The following BPIFB3 variants were observed in gnomAD, a reference collection of about 807,000 sequenced individuals.
BPIFB3 encodes BPI fold containing family B member 3, also known as BPI fold-containing family B member 3.
A neutral mutation model predicts 53.1 loss-of-function variants in BPIFB3; 49 were observed. The observed-to-expected ratio is 0.92, with a 90% confidence interval of 0.73 to 1.17. The LOEUF (loss-of-function observed/expected upper bound fraction) is 1.17. Among genes scored for constraint, BPIFB3 ranks in the 50% most tolerant of loss-of-function variants. The pLI, the probability that BPIFB3 is intolerant of heterozygous loss-of-function variation, is 0.00. For synonymous variants in BPIFB3, 271 were observed against 269.6 expected (o/e 1.01, Z -0.05); for missense variants, 628 against 592.5 (o/e 1.06, Z -0.62).
chr20:33,056,474 G>T, intron 1 of BPIFB3, 68 bp from the exon 3 acceptor site: 2 of 1,564,322 alleles, frequency 1.3e-6, no homozygotes, highest in East Asian at 2.2e-5. Flanking sequence ...GAGGAAGGAG[G>T]CAGCTGCCAT....
At chr20:33,070,682 C>T (rs747762672) in intron 11 of BPIFB3, among the ~76,000 whole-genome samples, 1 of 152,218 alleles carries the variant, frequency 6.6e-6, no homozygotes, top group African/African-American at 2.4e-5. Context: ...CCTCTGACTC[C>T]GTCTTAGCAC....
chr20:33,073,492 C>A, intron 14 of BPIFB3, 84 bp from the exon 16 acceptor site: 3 of 1,493,124 alleles, frequency 2.0e-6, no homozygotes, highest in Admixed American at 3.5e-5. Flanking sequence ...AGGGCCAATC[C>A]CAGGGCAGGG....
chr20:33,056,725 C>T, intron 2 of BPIFB3, 27 bp downstream of exon 3: 1 of 1,530,518 alleles, frequency 6.5e-7, no homozygotes, highest in Non-Finnish European at 8.7e-7. Flanking sequence ...GCATGCCCTA[C>T]AGGAAGACTT....
upstream of BPIFB3, among the ~76,000 whole-genome samples, chr20:33,054,003 G>A (rs1252167220): frequency 6.6e-6 from 1 of 152,106 alleles, no homozygotes; most frequent in Non-Finnish European, 1.5e-5. Context: ...TTGTCCTGAC[G>A]CCCAGCCGTT....
intron 12 of BPIFB3, 125 bp downstream of exon 13, chr20:33,071,420 A>C: frequency 8.8e-7 from 1 of 1,139,360 alleles, no homozygotes; most frequent in Non-Finnish European, 1.3e-6. Context: ...ATCCTCCCCA[A>C]TTAAGCCAGA....
At chr20:33,066,748 A>G in intron 8 of BPIFB3, 76 bp from the exon 10 acceptor site, 1 of 1,457,932 alleles carries the variant, frequency 6.9e-7, no homozygotes, top group Non-Finnish European at 9.6e-7. Flanking sequence ...GTGGTGAACG[A>G]AACTGCTCTG....
At chr20:33,063,730 C>G (rs1169937281) in intron 6 of BPIFB3, 55 bp downstream of exon 7, 1 of 1,570,796 alleles carries the variant, frequency 6.4e-7, no homozygotes, top group Non-Finnish European at 8.7e-7. Context: ...CTCTGTATGA[C>G]CCCAATGGGG....
intron 4 of BPIFB3, among the ~76,000 whole-genome samples, chr20:33,061,337 A>G (rs1177278456): frequency 2.0e-5 from 3 of 151,152 alleles, no homozygotes; most frequent in African/African-American, 4.9e-5. Flanking sequence ...TCCTCAGGCC[A>G]TCATTCATTC....
At chr20:33,054,058 A>C (rs1351237002), upstream of BPIFB3, among the ~76,000 whole-genome samples, 6 of 152,126 alleles carry the variant, frequency 3.9e-5, no homozygotes, top group Admixed American at 3.3e-4. Context: ...TGGGCACGGA[A>C]AGAACTCACC....
chr20:33,069,193 G>A (rs1417705564), intron 10 of BPIFB3, among the ~76,000 whole-genome samples: 1 of 152,078 alleles, frequency 6.6e-6, no homozygotes, highest in East Asian at 1.9e-4. Context: ...GTCTGCCTGG[G>A]CCTGTTTGGG....
intron 9 of BPIFB3, among the ~76,000 whole-genome samples, chr20:33,067,778 G>A (rs1259441510): frequency 1.3e-5 from 2 of 152,190 alleles, no homozygotes; most frequent in South Asian, 2.1e-4. Context: ...TGTCTCTGGA[G>A]GCTGAATCCT....
At chr20:33,071,126 A>T (rs1432577837) in intron 11 of BPIFB3, 127 bp from the exon 13 acceptor site, 2 of 998,936 alleles carry the variant, frequency 2.0e-6, no homozygotes, top group Non-Finnish European at 2.9e-6. Flanking sequence ...TCAAGGCTGG[A>T]TAGAGGCAGA....
chr20:33,071,751 C>G (rs1367700384), intron 12 of BPIFB3, among the ~76,000 whole-genome samples: 4 of 152,184 alleles, frequency 2.6e-5, no homozygotes, highest in Non-Finnish European at 5.9e-5. Flanking sequence ...AGTCCCTAAA[C>G]TGACAGGAAT....
downstream of BPIFB3, chr20:33,073,737 C>T: frequency 9.2e-7 from 1 of 1,081,954 alleles, no homozygotes; most frequent in South Asian, 1.5e-5. Context: ...AAGCACTACT[C>T]CAAGTTTGGG....
At position 33,062,575 on chromosome 20, in the gene BPIFB3, T is replaced by C. The variant is rs1316443106; in HGVS notation, c.591+744T>C. 3.3e-5 allele frequency among the ~76,000 whole-genome samples: 5 copies of C among 152,296 alleles called. No homozygotes were observed. In the East Asian group the frequency reaches 9.6e-4, roughly 29 times the overall value. ...GCAGGTTTCCACCAGGGCATGAAGG[T>C]GCATTTCAACGGCAGCCCCTAACTT... On this transcript the variant is annotated intron_variant, in intron 5 of 14. Coordinates refer to ENST00000375494, the Ensembl canonical transcript of BPIFB3.
intron 2 of BPIFB3, among the ~76,000 whole-genome samples, chr20:33,057,198 T>C (rs1244189521): frequency 7.1e-6 from 1 of 139,934 alleles, no homozygotes; most frequent in Non-Finnish European, 1.5e-5. Flanking sequence ...TTTTTTTCCC[T>C]TTTTTTTTGA....
At position 33,063,237 on chromosome 20, in the gene BPIFB3, C is replaced by T. The variant is rs116778975; in HGVS notation, c.592-378C>T. ...TTGATCCTAGGCTTCCCAGTGCCCACGTAGAATGGCAGGGGATGGCCTGTG... is the reference window on the plus strand; with the variant it reads ...TTGATCCTAGGCTTCCCAGTGCCCATGTAGAATGGCAGGGGATGGCCTGTG... On this transcript the variant is annotated intron_variant, in intron 5 of 14. Transcript: ENST00000375494. Among the ~76,000 whole-genome samples the T allele has an allele frequency of 5.6e-3, 846 of 152,290 alleles. 11 individuals are homozygous for T. Among genetic ancestry groups the T allele is most frequent in the African/African-American group, 0.019 (796 of 41,544 alleles).
exon 6 of BPIFB3, chr20:33,063,671 G>A (rs1980544068): frequency 6.2e-7 from 1 of 1,613,686 alleles, no homozygotes; most frequent in Admixed American, 1.7e-5. Context: ...TGGGGGCTGT[G>A]CTGGGTAAGT....
chr20:33,065,435 T>C (rs147599987), intron 8 of BPIFB3, among the ~76,000 whole-genome samples: 52 of 151,896 alleles, frequency 3.4e-4, no homozygotes, highest in African/African-American at 1.2e-3. Context: ...CATGTGAGCC[T>C]GGGAGGTCAA....
Sources: gnomAD v4.1 joint callset for allele counts (sites outside exome capture counted in the v4.1 genomes callset) on GRCh38, gnomAD v4.1.1 for gene constraint, MANE v1.5 for transcripts, NCBI Gene and HGNC (gene_info 2026-07-23, HGNC 2026-07-21) for gene names.